The following SAMD3 variants were observed in gnomAD, a reference collection of about 807,000 sequenced individuals.
The protein encoded by SAMD3 is sterile alpha motif domain containing 3.
In SAMD3, 63 loss-of-function variants were observed where a neutral mutation model predicts 58.5. The observed-to-expected ratio is 1.08, with a 90% CI of 0.88 to 1.33. The LOEUF is 1.33. Ranked by LOEUF, SAMD3 falls within the 40% of genes most tolerant of loss-of-function variation. SAMD3 has a pLI of 0.00. For synonymous variants in SAMD3, 220 were observed against 210.3 expected, an observed-to-expected ratio of 1.05 and a Z score of -0.40; for missense variants, 604 against 608.4, an observed-to-expected ratio of 0.99 and a Z score of 0.08.
At chr6:130,302,515 A>G (rs11967965) in intron 2 of SAMD3, among the ~76,000 whole-genome samples, 4,826 of 152,336 alleles carry the variant, frequency 0.032, 252 homozygotes, top group African/African-American at 0.11. Context: ...GGAAAACAGT[A>G]TTGAGATTTC....
At chr6:130,198,060 A>C (rs1357222761) in intron 5 of SAMD3, among the ~76,000 whole-genome samples, 2 of 151,206 alleles carry the variant, frequency 1.3e-5, no homozygotes, top group African/African-American at 2.4e-5. Context: ...AGAGAACAAC[A>C]CCCCTTTTTC....
chr6:130,302,198 T>G (rs887005656), intron 2 of SAMD3, among the ~76,000 whole-genome samples: 3 of 152,006 alleles, frequency 2.0e-5, no homozygotes, highest in Admixed American at 1.3e-4. Flanking sequence ...AAAGTATGCA[T>G]GCAACAAAGG....
intron 9 of SAMD3, among the ~76,000 whole-genome samples, chr6:130,150,537 T>C (rs1050381812): frequency 1.3e-5 from 2 of 152,180 alleles, no homozygotes; most frequent in Non-Finnish European, 2.9e-5. Context: ...CTTCTGGTCC[T>C]GTCAGACTTG....
At chr6:130,272,799 T>C (rs1462773089) in intron 2 of SAMD3, among the ~76,000 whole-genome samples, 1 of 152,126 alleles carries the variant, frequency 6.6e-6, no homozygotes, top group East Asian at 1.9e-4. Context: ...CCAGCTCAGC[T>C]TCCCAAGTAG....
chr6:130,234,427 T>C (rs17058571), intron 2 of SAMD3, among the ~76,000 whole-genome samples: 21,664 of 152,130 alleles, frequency 0.14, 1,758 homozygotes, highest in East Asian at 0.36. Context: ...GTTCAACAAA[T>C]GACACACATG....
intron 5 of SAMD3, among the ~76,000 whole-genome samples, chr6:130,186,905 G>A (rs1047070712): frequency 3.2e-4 from 49 of 151,572 alleles, no homozygotes; most frequent in Non-Finnish European, 6.6e-4. Flanking sequence ...TGAGTAGCTG[G>A]GACTACAGGC....
intron 5 of SAMD3, among the ~76,000 whole-genome samples, chr6:130,200,551 G>A (rs7768708): frequency 0.015 from 1,949 of 134,314 alleles, 26 homozygotes; most frequent in South Asian, 0.045. Context: ...TCTGTCCCCC[G>A]ACCCACAAAA....
At chr6:130,200,843 G>C (rs1465995746) in intron 5 of SAMD3, among the ~76,000 whole-genome samples, 1 of 152,126 alleles carries the variant, frequency 6.6e-6, no homozygotes, top group Non-Finnish European at 1.5e-5. Context: ...ATATGGAAAA[G>C]AGTGTGAAGA....
In SAMD3 at chr6:130,194,895, T is replaced by C. The variant is rs572504901; in HGVS notation, c.384-10272A>G. Among the ~76,000 whole-genome samples, 232 of 152,260 alleles carry C rather than the reference T, an allele frequency of 1.5e-3. 2 individuals are homozygous for C. Among genetic ancestry groups the C allele is most frequent in the African/African-American group, 5.2e-3 (218 of 41,538 alleles). ...TAACTCTCACAGTGGAGGGTAAGTC[T>C]GTCCCCTTCTTAATCAATATGGAGG... On this transcript the variant is annotated intron_variant, in intron 5 of 11. Coordinates refer to ENST00000439090, the MANE Select transcript of SAMD3 (RefSeq NM_001017373.4).
At chr6:130,247,169 T>C (rs533818219) in intron 2 of SAMD3, among the ~76,000 whole-genome samples, 46 of 152,222 alleles carry the variant, frequency 3.0e-4, no homozygotes, top group African/African-American at 1.1e-3. Flanking sequence ...GAGTCAGGAA[T>C]CATCATGAAA....
intron 2 of SAMD3, among the ~76,000 whole-genome samples, chr6:130,232,117 G>T (rs898017213): frequency 6.6e-6 from 1 of 152,254 alleles, no homozygotes. Context: ...ACTTGTCAGT[G>T]TCCACCCACA....
chr6:130,205,259 C>T (rs969439546), intron 5 of SAMD3, among the ~76,000 whole-genome samples: 1 of 150,950 alleles, frequency 6.6e-6, no homozygotes, highest in African/African-American at 2.4e-5. Context: ...TTCAGTCTTT[C>T]ATTGGCTCAC....
intron 9 of SAMD3, among the ~76,000 whole-genome samples, chr6:130,147,251 T>G (rs1047200164): frequency 6.6e-6 from 1 of 152,218 alleles, no homozygotes; most frequent in Non-Finnish European, 1.5e-5. Flanking sequence ...GGCCTCATTG[T>G]TCCTTGAATG....
chr6:130,215,881 C>T, intron 2 of SAMD3: 1 of 1,500,100 alleles, frequency 6.7e-7, no homozygotes, highest in Non-Finnish European at 9.0e-7. Flanking sequence ...AAGTAGGACC[C>T]ACATTTCTCT....
intron 2 of SAMD3, among the ~76,000 whole-genome samples, chr6:130,312,526 A>C (rs1027929354): frequency 7.9e-5 from 12 of 152,144 alleles, no homozygotes; most frequent in Non-Finnish European, 1.8e-4. Flanking sequence ...TTTGAGTAGG[A>C]GACAGTGAAG....
chr6:130,181,330 C>T (rs751846078), intron 7 of SAMD3, among the ~76,000 whole-genome samples: 1 of 152,174 alleles, frequency 6.6e-6, no homozygotes, highest in Admixed American at 6.5e-5. Context: ...TTCTCCACCC[C>T]TGCCTCCCAT....
chr6:130,195,150 A>G (rs1793971918), intron 5 of SAMD3, among the ~76,000 whole-genome samples: 1 of 152,122 alleles, frequency 6.6e-6, no homozygotes, highest in Non-Finnish European at 1.5e-5. Flanking sequence ...TTCCTGGACT[A>G]CAGCCGCATC....
At chr6:130,356,158 A>G (rs1777820945) in intron 1 of SAMD3, among the ~76,000 whole-genome samples, 1 of 152,146 alleles carries the variant, frequency 6.6e-6, no homozygotes, top group South Asian at 2.1e-4. Context: ...CCTATAATCA[A>G]AACCTGAGTC....
At position 130,177,826 on chromosome 6, in the gene SAMD3, T is replaced by G. The variant is rs922006935; in HGVS notation, c.655-1818A>C. 2.0e-5 allele frequency among the ~76,000 whole-genome samples: 3 copies of G among 152,176 alleles called. No individual in the cohort carries two copies. The East Asian group carries it at 5.8e-4, about 29-fold the overall frequency. ...CCACCAAGCCCAGCACGGTGCTTCA[T>G]GCATGCTAGAAACTATAAATGTTTG... On this transcript the variant is annotated intron_variant, in intron 7 of 11. Transcript: ENST00000439090.
Sources: gnomAD v4.1 joint callset for allele counts (sites outside exome capture counted in the v4.1 genomes callset) on GRCh38, gnomAD v4.1.1 for gene constraint, MANE v1.5 for transcripts, NCBI Gene and HGNC (gene_info 2026-07-23, HGNC 2026-07-21) for gene names.